Variants in TRAPPC9 observed in about 807,000 individuals in gnomAD.
TRAPPC9 encodes the protein trafficking protein particle complex subunit 9, also known as IKK2 binding protein.
A neutral mutation model predicts 124.0 loss-of-function variants in TRAPPC9; 83 were observed. The observed-to-expected ratio is 0.67, with a 90% CI of 0.56 to 0.80. TRAPPC9 has a LOEUF of 0.80. Ranked by LOEUF, TRAPPC9 falls within the 30% of genes least tolerant of loss-of-function variation. TRAPPC9 has a pLI of 0.00. For missense variants in TRAPPC9, 1,302 were observed against 1,508.3 expected (o/e 0.86, Z 2.27); for synonymous variants, 638 against 617.5 (o/e 1.03, Z -0.49).
chr8:140,309,875 C>A (rs1032262531), intron 10 of TRAPPC9, among the ~76,000 whole-genome samples: 6 of 152,202 alleles, frequency 3.9e-5, no homozygotes, highest in African/African-American at 1.4e-4. Flanking sequence ...GGAGCAGCCA[C>A]AGCACCTTCT....
chr8:139,859,225 G>A (rs1378855115), intron 21 of TRAPPC9, among the ~76,000 whole-genome samples: 1 of 151,960 alleles, frequency 6.6e-6, no homozygotes, highest in Non-Finnish European at 1.5e-5. Flanking sequence ...GTGTGGCCGT[G>A]TGACCTGAGG....
At chr8:139,922,419 T>C (rs1832571759) in intron 19 of TRAPPC9, among the ~76,000 whole-genome samples, 2 of 152,240 alleles carry the variant, frequency 1.3e-5, no homozygotes, top group African/African-American at 4.8e-5. Context: ...CCTGACCTCA[T>C]GATCCGCCTG....
At chr8:139,899,547 A>C (rs1830890871) in intron 20 of TRAPPC9, among the ~76,000 whole-genome samples, 1 of 152,158 alleles carries the variant, frequency 6.6e-6, no homozygotes, top group Admixed American at 6.5e-5. Flanking sequence ...GAGGTGAAAG[A>C]AAATCTGCAT....
chr8:139,854,086 G>A (rs1827658207), intron 21 of TRAPPC9, among the ~76,000 whole-genome samples: 1 of 152,110 alleles, frequency 6.6e-6, no homozygotes, highest in Non-Finnish European at 1.5e-5. Context: ...TAACACATCT[G>A]ACCACGTTTT....
At chr8:139,751,609 C>G (rs1446605507) in intron 21 of TRAPPC9, among the ~76,000 whole-genome samples, 1 of 152,072 alleles carries the variant, frequency 6.6e-6, no homozygotes. Flanking sequence ...ACTCCCATGC[C>G]CCAACCCTAG....
intron 11 of TRAPPC9, among the ~76,000 whole-genome samples, chr8:140,297,682 G>A (rs1588115152): frequency 6.6e-6 from 1 of 152,216 alleles, no homozygotes; most frequent in African/African-American, 2.4e-5. Context: ...GGTCTGCGGG[G>A]CCCCCACCCC....
chr8:139,975,198 G>C (rs1364824465), intron 19 of TRAPPC9, among the ~76,000 whole-genome samples: 10 of 152,220 alleles, frequency 6.6e-5, no homozygotes, highest in Non-Finnish European at 1.5e-4. Flanking sequence ...ATGTGAATGA[G>C]GCTCCATACA....
chr8:139,840,324 A>G lies in TRAPPC9; in HGVS notation c.3055+45555T>C, dbSNP rs575346813. ...CTGCCGCTTTCATGTCCCCTCACTC[A>G]TTCATTTTTCACTGGTTCCAGTAGA... On this transcript the variant is annotated intron_variant, in intron 21 of 22. Transcript: ENST00000438773. 2.7e-3 allele frequency among the ~76,000 whole-genome samples: 416 copies of G among 152,326 alleles called. 1 individual carries two copies. Among genetic ancestry groups the G allele is most frequent in the African/African-American group, 9.5e-3 (393 of 41,568 alleles).
At chr8:140,285,622 C>T (rs1443627849) in intron 13 of TRAPPC9, among the ~76,000 whole-genome samples, 2 of 152,252 alleles carry the variant, frequency 1.3e-5, no homozygotes, top group African/African-American at 4.8e-5. Flanking sequence ...CCCACTCTGA[C>T]CACCCCCAGG....
intron 4 of TRAPPC9, among the ~76,000 whole-genome samples, chr8:140,432,985 A>G (rs544841038): frequency 2.6e-4 from 39 of 152,290 alleles, no homozygotes; most frequent in African/African-American, 9.4e-4. Flanking sequence ...TTGTTGAAAT[A>G]CAAACACATT....
In TRAPPC9 at chr8:139,972,587, G is replaced by A. The variant is rs558940878; in HGVS notation, c.2810+16139C>T. Among the ~76,000 whole-genome samples the A allele has an allele frequency of 3.9e-5, 6 of 152,246 alleles. 1 individual carries two copies. The South Asian group carries it at 1.2e-3, about 32-fold the overall frequency. On this transcript the variant is annotated intron_variant, in intron 19 of 22. Coordinates refer to ENST00000438773, the MANE Select transcript of TRAPPC9 (RefSeq NM_001160372.4). ...TCAAGGTTCAGACTCCCCAGACCAC[G>A]TACAACTCACACAAGACACGACCTG...
intron 17 of TRAPPC9, among the ~76,000 whole-genome samples, chr8:140,038,200 G>A (rs915921210): frequency 6.6e-6 from 1 of 152,140 alleles, no homozygotes; most frequent in African/African-American, 2.4e-5. Flanking sequence ...ACTGCTGTGA[G>A]AATTGAATGA....
chr8:140,330,895 G>A (rs1170071574), intron 9 of TRAPPC9, among the ~76,000 whole-genome samples: 1 of 151,608 alleles, frequency 6.6e-6, no homozygotes, highest in African/African-American at 2.4e-5. Flanking sequence ...AAAATGCAAA[G>A]AAAACACAGA....
chr8:140,419,056 G>A (rs1273459090), intron 5 of TRAPPC9, among the ~76,000 whole-genome samples: 6 of 152,222 alleles, frequency 3.9e-5, no homozygotes, highest in African/African-American at 1.4e-4. Flanking sequence ...CACTTTGGGA[G>A]GCGGAGGCGG....
intron 19 of TRAPPC9, among the ~76,000 whole-genome samples, chr8:139,921,345 C>T (rs949297973): frequency 3.9e-5 from 6 of 152,192 alleles, no homozygotes; most frequent in African/African-American, 1.4e-4. Context: ...TGTCATCTTG[C>T]AGGCCCTAAA....
intron 21 of TRAPPC9, among the ~76,000 whole-genome samples, chr8:139,764,694 G>A (rs564976544): frequency 7.2e-4 from 110 of 152,204 alleles, no homozygotes; most frequent in Middle Eastern, 3.4e-3. Context: ...AGTTGGAGGC[G>A]TCCCTGTCCT....
chr8:140,350,212 C>T (rs1207358521), intron 9 of TRAPPC9, among the ~76,000 whole-genome samples: 3 of 152,152 alleles, frequency 2.0e-5, no homozygotes, highest in Non-Finnish European at 2.9e-5. Flanking sequence ...ACAAACTTTG[C>T]TTTCTTTCAA....
chr8:140,215,090 CAG>C (rs1257938227), intron 17 of TRAPPC9, among the ~76,000 whole-genome samples: 1 of 152,200 alleles, frequency 6.6e-6, no homozygotes, highest in Non-Finnish European at 1.5e-5. Context: ...CTCCGGTCCC[CAG>C]AGAGGCTCAG....
At chr8:140,242,753 T>C (rs1170433331) in intron 16 of TRAPPC9, among the ~76,000 whole-genome samples, 3 of 152,156 alleles carry the variant, frequency 2.0e-5, no homozygotes, top group Non-Finnish European at 2.9e-5. Flanking sequence ...CATCCATAGC[T>C]GGGGATGCAG....
Sources: gnomAD v4.1 joint callset for allele counts (sites outside exome capture counted in the v4.1 genomes callset) on GRCh38, gnomAD v4.1.1 for gene constraint, MANE v1.5 for transcripts, NCBI Gene and HGNC (gene_info 2026-07-23, HGNC 2026-07-21) for gene names.